The following ABCC12 variants were observed in gnomAD, a reference collection of about 807,000 sequenced individuals.
The protein encoded by ABCC12 is ATP-binding cassette sub-family C member 12.
Under a neutral mutation model 151.1 loss-of-function variants are expected in ABCC12, and 142 were observed. The observed-to-expected ratio is 0.94, with a 90% confidence interval of 0.82 to 1.08. ABCC12 has a LOEUF of 1.08. ABCC12 is among the 50% of genes least tolerant of loss of function. The pLI is 0.00. For missense variants in ABCC12, 1,638 were observed against 1,691.1 expected (o/e 0.97, Z 0.55); for synonymous variants, 645 against 646.4 (o/e 1.00, Z 0.03).
At chr16:48,118,836 G>T (rs773975121) in intron 13 of ABCC12, among the ~76,000 whole-genome samples, 2 of 152,236 alleles carry the variant, frequency 1.3e-5, no homozygotes, top group Non-Finnish European at 2.9e-5. Flanking sequence ...CCTTGGACAA[G>T]TGACTGTACC....
chr16:48,118,115 T>C (rs1355520455), intron 13 of ABCC12, among the ~76,000 whole-genome samples: 1 of 152,064 alleles, frequency 6.6e-6, no homozygotes, highest in East Asian at 1.9e-4. Context: ...CGCCCTATCC[T>C]GCAAAAAGCA....
chr16:48,136,859 C>G (rs958587824), intron 8 of ABCC12, among the ~76,000 whole-genome samples: 2 of 152,176 alleles, frequency 1.3e-5, no homozygotes, highest in African/African-American at 4.8e-5. Flanking sequence ...ACCGCTAGAG[C>G]TGAGTTTCCT....
rs1465440889 is a variant in ABCC12 at position 48,091,166 on chromosome 16, G to GT, written c.3238dup (p.Thr1080AsnfsTer21). The GT allele has an allele frequency of 3.7e-6, 6 of 1,614,016 alleles. No individual in the cohort carries two copies. The highest frequency in any genetic ancestry group is 4.2e-6 in the Non-Finnish European group (5 of 1,180,024). Reference sequence around the variant, plus strand: ...CTCCACGGAGGTGAATTTGGCTTGCGTCTCTGTTCCCGTTCGCACACACAC... The same window carrying GT: ...CTCCACGGAGGTGAATTTGGCTTGCGTTCTCTGTTCCCGTTCGCACACACAC... On this transcript the variant is annotated frameshift_variant, in exon 25 of 31. Coordinates refer to ENST00000311303, the MANE Select transcript of ABCC12 (RefSeq NM_001393797.1). LOFTEE classifies it high-confidence loss of function.
At chr16:48,107,830 C>T (rs750820527) in intron 19 of ABCC12, among the ~76,000 whole-genome samples, 3 of 152,108 alleles carry the variant, frequency 2.0e-5, no homozygotes, top group South Asian at 2.1e-4. Context: ...GGTGAAACCT[C>T]GTCTCTACTA....
Position 48,082,405 on chromosome 16 carries a change from C to T in ABCC12, c.*1310G>A, listed in dbSNP as rs181736425. Among the ~76,000 whole-genome samples, 1 of 152,370 alleles carries T rather than the reference C, an allele frequency of 6.6e-6. No individual in the cohort carries two copies. Among genetic ancestry groups the T allele is most frequent in the Non-Finnish European group, 1.5e-5 (1 of 68,042 alleles). Reference sequence around the variant, plus strand: ...ACATGCCCAGCCCTTGAATTGCTGGCTGTTGGCTTTTTGGCCAGAAATCCA... The same window carrying T: ...ACATGCCCAGCCCTTGAATTGCTGGTTGTTGGCTTTTTGGCCAGAAATCCA... On this transcript the variant is annotated 3_prime_UTR_variant, in exon 31 of 31. Transcript: ENST00000311303.
At chr16:48,119,155 A>G (rs554875961) in intron 13 of ABCC12, among the ~76,000 whole-genome samples, 21 of 152,274 alleles carry the variant, frequency 1.4e-4, no homozygotes, top group Middle Eastern at 6.8e-3. Context: ...CCACATATGA[A>G]GGATGCTAGA....
intron 22 of ABCC12, among the ~76,000 whole-genome samples, chr16:48,102,964 C>T (rs541263920): frequency 6.6e-6 from 1 of 152,320 alleles, no homozygotes. Context: ...CTGCTGCCTA[C>T]GTCTGGTCCT....
chr16:48,090,204 TG>T (rs2150584919), intron 25 of ABCC12, among the ~76,000 whole-genome samples: 1 of 152,280 alleles, frequency 6.6e-6, no homozygotes, highest in South Asian at 2.1e-4. Flanking sequence ...TTTCAACTTA[TG>T]ACTTCAATCA....
At position 48,088,500 on chromosome 16, in the gene ABCC12, C is replaced by T. The variant is rs749511581; in HGVS notation, c.3475+45G>A. The stretch of plus-strand genomic sequence containing the variant: ...TTAACTAGGACATCCAGTGGAAATC[C>T]AAAGAAAACAACCCAAAAGAAACAA... On this transcript the variant is annotated intron_variant, in intron 26 of 30. Coordinates refer to ENST00000311303, the MANE Select transcript of ABCC12 (RefSeq NM_001393797.1). The T allele has an allele frequency of 1.9e-6, 3 of 1,584,928 alleles. No individual in the cohort carries two copies. The Admixed American group carries it at 5.2e-5, about 28-fold the overall frequency.
chr16:48,143,886 A>G (rs1342055120), intron 4 of ABCC12, 24 bp downstream of exon 4: 2 of 1,608,088 alleles, frequency 1.2e-6, no homozygotes, highest in Admixed American at 1.7e-5. Flanking sequence ...GGACTAATAC[A>G]GTGACCCAAG....
chr16:48,139,493 T>C (rs16945860), intron 6 of ABCC12, among the ~76,000 whole-genome samples, 157 bp from the exon 7 acceptor site: 10,901 of 152,178 alleles, frequency 0.072, 1,307 homozygotes, highest in African/African-American at 0.25. Flanking sequence ...ATGAGTTTTA[T>C]GGGTTCTGGT....
intron 27 of ABCC12, chr16:48,087,091 G>A: frequency 2.7e-6 from 1 of 368,430 alleles, no homozygotes; most frequent in Non-Finnish European, 5.1e-6. Flanking sequence ...TGAGCAAGGT[G>A]CTCAGAAAGA....
At chr16:48,099,962 CTTT>C (rs113463953) in intron 23 of ABCC12, among the ~76,000 whole-genome samples, 4 of 141,700 alleles carry the variant, frequency 2.8e-5, no homozygotes, top group Non-Finnish European at 3.1e-5. Flanking sequence ...TATCCTTTTT[CTTT>C]TTTTTTTTTT....
chr16:48,153,943 T>C (rs961371627), intron 1 of ABCC12, 59 bp from the exon 2 acceptor site: 2 of 152,224 alleles, frequency 1.3e-5, no homozygotes, highest in Admixed American at 1.3e-4. Flanking sequence ...CTAACGTCTC[T>C]ATCCCCGTCT....
At chr16:48,138,186 C>T (rs1964674615) in intron 8 of ABCC12, 42 bp downstream of exon 8, 1 of 1,561,908 alleles carries the variant, frequency 6.4e-7, no homozygotes, top group Non-Finnish European at 8.7e-7. Flanking sequence ...AGAGCATATT[C>T]TACAAGGTAA....
At position 48,108,433 on chromosome 16, in the gene ABCC12, A is replaced by G. The variant is rs372977641; in HGVS notation, c.2371+7T>C. On this transcript the variant is annotated splice_region_variant and intron_variant, in intron 19 of 30. Transcript: ENST00000311303. ...TAAATCAAGAAACTTGTTGTTTTATACTGAACCTCCAGAAGCCTTAATGTA... is the reference window on the plus strand; with the variant it reads ...TAAATCAAGAAACTTGTTGTTTTATGCTGAACCTCCAGAAGCCTTAATGTA... The G allele has an allele frequency of 5.3e-5, 85 of 1,611,702 alleles. No homozygotes were observed. Among genetic ancestry groups the G allele is most frequent in the Non-Finnish European group, 7.0e-5 (83 of 1,178,132 alleles).
intron 21 of ABCC12, 56 bp downstream of exon 21, chr16:48,105,083 T>G: frequency 6.2e-7 from 1 of 1,601,286 alleles, no homozygotes; most frequent in Non-Finnish European, 8.6e-7. Flanking sequence ...CTGCAGGTGC[T>G]CCGTATACCT....
rs34135219 is a variant in ABCC12 at position 48,111,831 on chromosome 16, T to A, written c.2069A>T (p.Glu690Val). Residue 690 changes from glutamate to valine, a missense_variant, in exon 16 of 31, where the codon GAG becomes GTG. Coordinates refer to ENST00000311303, the MANE Select transcript of ABCC12 (RefSeq NM_001393797.1). The part of the protein sequence containing the change: ...CEKGTHKELM[E>V]ERGRYAKLIH... ...CAGTTTTGCATAGCGCCCTCTCTCC[T>A]CCATTAACTCCTTGTGGGTTCCCTT... 16,901 of 1,614,130 alleles carry A rather than the reference T, an allele frequency of 0.01. 549 individuals are homozygous for A. The African/African-American group carries it at 0.11, about 10-fold the overall frequency.
At chr16:48,132,062 T>C (rs1964445310) in intron 9 of ABCC12, among the ~76,000 whole-genome samples, 1 of 152,340 alleles carries the variant, frequency 6.6e-6, no homozygotes, top group African/African-American at 2.4e-5. Context: ...TTGGTTTTGG[T>C]CTAGATTCCC....
Sources: gnomAD v4.1 joint callset for allele counts (sites outside exome capture counted in the v4.1 genomes callset) on GRCh38, gnomAD v4.1.1 for gene constraint, MANE v1.5 for transcripts, NCBI Gene and HGNC (gene_info 2026-07-23, HGNC 2026-07-21) for gene names.